The following LUZP2 variants were observed in gnomAD, a reference collection of about 807,000 sequenced individuals.
LUZP2 encodes the protein leucine zipper protein 2.
LUZP2 carries 52 observed loss-of-function variants against 51.6 expected under a neutral mutation model. That is an observed-to-expected ratio of 1.01 (90% CI 0.81 to 1.27). The LOEUF is 1.27. LUZP2 is among the 50% of genes most tolerant of loss of function. The pLI is 0.00. For missense variants in LUZP2, 436 were observed against 395.4 expected, an observed-to-expected ratio of 1.10 and a Z score of -0.87; for synonymous variants, 154 against 137.3, an observed-to-expected ratio of 1.12 and a Z score of -0.85.
intron 9 of LUZP2, among the ~76,000 whole-genome samples, chr11:25,022,430 G>T (rs1857363905): frequency 6.6e-6 from 1 of 151,958 alleles, no homozygotes; most frequent in African/African-American, 2.4e-5. Context: ...GCCTGAAATG[G>T]AAGGGTATGT....
chr11:24,525,927 T>C (rs1850785753), intron 1 of LUZP2, among the ~76,000 whole-genome samples: 1 of 151,384 alleles, frequency 6.6e-6, no homozygotes, highest in Admixed American at 6.6e-5. Context: ...AAGACAGTCT[T>C]ACTCTTTAAT....
rs1313672940 is a variant in LUZP2, at chr11:25,050,019, T to G, written c.766-19T>G. On this transcript the variant is annotated intron_variant, in intron 9 of 11. Coordinates refer to ENST00000336930, the MANE Select transcript of LUZP2 (RefSeq NM_001009909.4). ...ATTTAGTGATTTCTTTCTTTCTATC[T>G]CTCTTCGTCTCTTTTAAGCCTCAAC... The G allele has an allele frequency of 6.8e-6, 10 of 1,467,798 alleles. No individual in the cohort carries two copies. The highest frequency in any genetic ancestry group is 9.3e-6 in the Non-Finnish European group (10 of 1,080,352). 90.9% of individuals were successfully genotyped at this position (1,467,798 alleles called of 1,614,324 possible).
intron 10 of LUZP2, among the ~76,000 whole-genome samples, chr11:25,069,939 T>G (rs905707083): frequency 3.3e-5 from 5 of 151,874 alleles, no homozygotes; most frequent in Non-Finnish European, 7.4e-5. Flanking sequence ...CTTGTGTTAA[T>G]TGCTTACTTC....
intron 1 of LUZP2, among the ~76,000 whole-genome samples, chr11:24,597,869 AG>A (rs1209863442): frequency 6.6e-6 from 1 of 152,124 alleles, no homozygotes; most frequent in Non-Finnish European, 1.5e-5. Context: ...TTGGAGGCCA[AG>A]GCGGGTGGAA....
chr11:24,993,730 C>T (rs1240062948), intron 9 of LUZP2, among the ~76,000 whole-genome samples: 1 of 152,066 alleles, frequency 6.6e-6, no homozygotes, highest in Non-Finnish European at 1.5e-5. Context: ...TATTTTTAAG[C>T]TGTGTCTTTG....
intron 9 of LUZP2, among the ~76,000 whole-genome samples, chr11:25,008,562 T>G (rs542349459): frequency 3.9e-5 from 6 of 152,286 alleles, no homozygotes; most frequent in Non-Finnish European, 5.9e-5. Context: ...CCCCAGCAGC[T>G]TTTTATTCCC....
intron 1 of LUZP2, among the ~76,000 whole-genome samples, chr11:24,573,438 A>G (rs1421772107): frequency 1.3e-5 from 2 of 151,902 alleles, no homozygotes; most frequent in African/African-American, 2.4e-5. Flanking sequence ...CAAAGTTTTC[A>G]TGAGGATTAC....
At chr11:24,712,043 C>T (rs779164041) in intron 1 of LUZP2, among the ~76,000 whole-genome samples, 1 of 152,080 alleles carries the variant, frequency 6.6e-6, no homozygotes, top group Admixed American at 6.6e-5. Context: ...CAAAGAAAAT[C>T]AAAGCAGAAT....
intron 1 of LUZP2, among the ~76,000 whole-genome samples, chr11:24,706,374 T>A (rs1000793023): frequency 6.6e-5 from 10 of 152,292 alleles, no homozygotes; most frequent in African/African-American, 2.4e-4. Flanking sequence ...CTTGTATTTT[T>A]AAAAACTTTT....
chr11:25,032,859 T>C (rs541876120), intron 9 of LUZP2, among the ~76,000 whole-genome samples: 2 of 152,340 alleles, frequency 1.3e-5, no homozygotes, highest in Admixed American at 6.5e-5. Flanking sequence ...TATATACCAC[T>C]ATTTATTCTG....
intron 10 of LUZP2, among the ~76,000 whole-genome samples, chr11:25,068,920 A>G (rs1171424957): frequency 1.3e-5 from 2 of 151,890 alleles, no homozygotes; most frequent in African/African-American, 4.8e-5. Context: ...ATCTCAAAAA[A>G]CTTTATTCAT....
chr11:24,822,200 T>A lies in LUZP2; in HGVS notation c.396+58892T>A, dbSNP rs1282836839. On this transcript the variant is annotated intron_variant, in intron 5 of 11. Transcript: ENST00000336930. ...TTTCCCCTACTATAGAAGTCTAAAG[T>A]CAAATGATGGTCTTTCTAATTTTAT... Among the ~76,000 whole-genome samples, 3 of 152,268 alleles carry A rather than the reference T, an allele frequency of 2.0e-5. No individual in the cohort carries two copies. The East Asian group carries it at 5.8e-4, about 29-fold the overall frequency.
At position 24,508,844 on chromosome 11, in the gene LUZP2, C is replaced by T. The variant is rs139009101; in HGVS notation, c.62+11539C>T. Among the ~76,000 whole-genome samples the T allele has an allele frequency of 2.0e-3, 299 of 152,136 alleles. 2 individuals carry two copies. In the Middle Eastern group the frequency reaches 0.024, roughly 12 times the overall value. On this transcript the variant is annotated intron_variant, in intron 1 of 11. Coordinates refer to ENST00000336930, the MANE Select transcript of LUZP2 (RefSeq NM_001009909.4). ...TTACAAAATGAGGCATTAAGGATTA[C>T]AGAAGTTGACATATCTAAGGTCACA...
chr11:24,956,504 G>C lies in LUZP2; in HGVS notation c.523-20087G>C, dbSNP rs112759686. 7.4e-3 allele frequency among the ~76,000 whole-genome samples: 1,131 copies of C among 152,252 alleles called. 15 individuals are homozygous for C. The highest frequency in any genetic ancestry group is 0.023 in the African/African-American group (944 of 41,560). ...ATTGGCAGTAATATAAAGAGTGAGA[G>C]AAGGTCCTGACTTCAATTTTATACA... On this transcript the variant is annotated intron_variant, in intron 7 of 11. Transcript: ENST00000336930.
intron 9 of LUZP2, among the ~76,000 whole-genome samples, chr11:25,033,714 T>C (rs1857769338): frequency 6.6e-6 from 1 of 152,168 alleles, no homozygotes; most frequent in African/African-American, 2.4e-5. Flanking sequence ...CTTAGAATTA[T>C]GGCCTCCAAC....
chr11:24,500,907 T>A (rs2133748700), intron 1 of LUZP2, among the ~76,000 whole-genome samples: 1 of 152,344 alleles, frequency 6.6e-6, no homozygotes, highest in South Asian at 2.1e-4. Flanking sequence ...CCGGGCTATT[T>A]GTTCCGTGAA....
At chr11:24,761,000 A>C (rs922873537) in intron 4 of LUZP2, among the ~76,000 whole-genome samples, 1 of 152,210 alleles carries the variant, frequency 6.6e-6, no homozygotes, top group African/African-American at 2.4e-5. Flanking sequence ...TCCCAGTTCA[A>C]ATCTCCCAAG....
chr11:24,558,411 A>G (rs12286202), intron 1 of LUZP2, among the ~76,000 whole-genome samples: 6,540 of 151,692 alleles, frequency 0.043, 433 homozygotes, highest in African/African-American at 0.15. Context: ...TATATAGCCT[A>G]TCAGTTCTGT....
chr11:24,857,447 A>G (rs929326258), intron 5 of LUZP2, among the ~76,000 whole-genome samples: 1 of 151,522 alleles, frequency 6.6e-6, no homozygotes. Flanking sequence ...TTAATTTGCT[A>G]TTTAATTTAA....
Sources: gnomAD v4.1 joint callset for allele counts (sites outside exome capture counted in the v4.1 genomes callset) on GRCh38, gnomAD v4.1.1 for gene constraint, MANE v1.5 for transcripts, NCBI Gene and HGNC (gene_info 2026-07-23, HGNC 2026-07-21) for gene names.